The following MED13L variants were observed in gnomAD, a reference collection of about 807,000 sequenced individuals.
The protein encoded by MED13L is mediator complex subunit 13L.
MED13L carries 7 observed loss-of-function variants against 220.9 expected under a neutral mutation model. The observed-to-expected ratio is 0.03, with a 90% CI of 0.02 to 0.06. The LOEUF (loss-of-function observed/expected upper bound fraction) is 0.06, where lower values mean the gene tolerates loss of function less well. MED13L is among the 10% of genes least tolerant of loss of function. The pLI is 1.00. For missense variants in MED13L, 1,965 were observed against 2,760.5 expected (o/e 0.71, Z 6.46); for synonymous variants, 1,011 against 1,015.2 (o/e 1.00, Z 0.08).
chr12:116,040,936 T>C (rs1042610624), intron 4 of MED13L, among the ~76,000 whole-genome samples: 2 of 152,122 alleles, frequency 1.3e-5, no homozygotes, highest in Admixed American at 6.5e-5. Flanking sequence ...ACGGGAGGGA[T>C]AGTAATGAGA....
chr12:115,967,839 G>A (rs925552511), intron 28 of MED13L, among the ~76,000 whole-genome samples: 7 of 151,978 alleles, frequency 4.6e-5, no homozygotes, highest in East Asian at 1.9e-4. Flanking sequence ...TATCACAACC[G>A]TTTCCCATGA....
At chr12:116,038,122 T>C (rs914453940) in intron 4 of MED13L, among the ~76,000 whole-genome samples, 1 of 151,936 alleles carries the variant, frequency 6.6e-6, no homozygotes, top group Non-Finnish European at 1.5e-5. Context: ...TTAGGTAAAC[T>C]GTAACCACCA....
At chr12:116,108,404 C>CTT (rs1873786985) in intron 3 of MED13L, among the ~76,000 whole-genome samples, 1 of 40,846 alleles carries the variant, frequency 2.4e-5, no homozygotes, top group Admixed American at 3.1e-4. Context: ...GGGGGGGGCG[C>CTT]GTGGGGGGTG....
At chr12:116,252,710 A>G (rs981624280) in intron 1 of MED13L, among the ~76,000 whole-genome samples, 1 of 152,124 alleles carries the variant, frequency 6.6e-6, no homozygotes, top group Non-Finnish European at 1.5e-5. Flanking sequence ...AGAAAAAAAG[A>G]AAACAAAAAG....
At chr12:116,006,766 T>G (rs749023250) in intron 11 of MED13L, 1 of 336,686 alleles carries the variant, frequency 3.0e-6, no homozygotes, top group Non-Finnish European at 5.6e-6. Context: ...TCTAGGGAGA[T>G]CTGTATAAAA....
chr12:116,133,490 G>A lies in MED13L; in HGVS notation c.311-21978C>T, dbSNP rs562622679. Among the ~76,000 whole-genome samples, 5 of 152,144 alleles carry A rather than the reference G, an allele frequency of 3.3e-5. No homozygotes were observed. In the East Asian group the frequency reaches 5.8e-4, roughly 18 times the overall value. ...GTTCTGCTCAGAAGCTGGTCTTAAC[G>A]GGCTCTAGGACCATGGTAACTCATG... On this transcript the variant is annotated intron_variant, in intron 2 of 30. Coordinates refer to ENST00000281928, the MANE Select transcript of MED13L (RefSeq NM_015335.5).
At chr12:116,277,002 G>A (rs1054545089) in intron 1 of MED13L, 58 bp downstream of exon 1, 3 of 1,503,500 alleles carry the variant, frequency 2.0e-6, no homozygotes, top group Middle Eastern at 2.2e-4. Flanking sequence ...CGGCGGCGGA[G>A]GTCGGGGACC....
chr12:116,262,379 G>A (rs949545936), intron 1 of MED13L, among the ~76,000 whole-genome samples: 3 of 152,074 alleles, frequency 2.0e-5, no homozygotes, highest in Non-Finnish European at 4.4e-5. Flanking sequence ...AGATTACAAG[G>A]AATCTAAATC....
At chr12:116,232,711 C>A (rs967304971) in intron 2 of MED13L, among the ~76,000 whole-genome samples, 5 of 152,176 alleles carry the variant, frequency 3.3e-5, no homozygotes, top group African/African-American at 1.2e-4. Context: ...GCTCTCTGTA[C>A]TATTTTGGGT....
intron 8 of MED13L, among the ~76,000 whole-genome samples, chr12:116,014,264 T>G (rs1422115201): frequency 6.6e-6 from 1 of 152,250 alleles, no homozygotes; most frequent in African/African-American, 2.4e-5. Context: ...AACATTTCAT[T>G]GGCTTCTAAA....
At chr12:116,125,856 T>C (rs963919903) in intron 2 of MED13L, among the ~76,000 whole-genome samples, 1 of 152,202 alleles carries the variant, frequency 6.6e-6, no homozygotes, top group Non-Finnish European at 1.5e-5. Flanking sequence ...AATCAGAACA[T>C]TTTACTTTCA....
chr12:116,023,032 A>C (rs1592957262), intron 4 of MED13L, among the ~76,000 whole-genome samples: 1 of 152,316 alleles, frequency 6.6e-6, no homozygotes, highest in East Asian at 1.9e-4. Flanking sequence ...ATAACAGCTC[A>C]CACCTGTAAC....
chr12:116,184,089 T>C (rs1429983497), intron 2 of MED13L, among the ~76,000 whole-genome samples: 1 of 152,152 alleles, frequency 6.6e-6, no homozygotes, highest in Non-Finnish European at 1.5e-5. Context: ...GTGAATCCAA[T>C]GAACTGATTT....
intron 23 of MED13L, 125 bp downstream of exon 23, chr12:115,980,625 A>G (rs1877260286): frequency 1.9e-6 from 2 of 1,028,568 alleles, no homozygotes; most frequent in African/African-American, 3.1e-5. Flanking sequence ...CATCCAGCCT[A>G]GCAACTCTTA....
intron 23 of MED13L, among the ~76,000 whole-genome samples, chr12:115,979,025 T>C (rs953857915): frequency 7.2e-5 from 11 of 152,160 alleles, no homozygotes; most frequent in South Asian, 2.1e-4. Flanking sequence ...TGGCACACCG[T>C]AGATGCTCAA....
At chr12:116,002,326 T>C (rs1878796067) in intron 14 of MED13L, among the ~76,000 whole-genome samples, 1 of 152,214 alleles carries the variant, frequency 6.6e-6, no homozygotes, top group Admixed American at 6.5e-5. Flanking sequence ...TATGACATGG[T>C]GGTTTTTCCC....
chr12:116,038,254 G>A (rs926160874), intron 4 of MED13L, among the ~76,000 whole-genome samples: 3 of 151,814 alleles, frequency 2.0e-5, no homozygotes, highest in Non-Finnish European at 2.9e-5. Flanking sequence ...TATAAGACAT[G>A]GGGGATGATG....
At chr12:116,245,098 T>C (rs981890314) in intron 1 of MED13L, among the ~76,000 whole-genome samples, 16 of 151,812 alleles carry the variant, frequency 1.1e-4, no homozygotes, top group African/African-American at 3.6e-4. Flanking sequence ...AAACAGAGGG[T>C]ACCTGGACTG....
At chr12:116,026,546 CAGG>C (rs1880404782) in intron 4 of MED13L, among the ~76,000 whole-genome samples, 1 of 152,148 alleles carries the variant, frequency 6.6e-6, no homozygotes, top group Non-Finnish European at 1.5e-5. Flanking sequence ...GGCTCTGATT[CAGG>C]AGGTTTAGGG....
Sources: gnomAD v4.1 joint callset for allele counts (sites outside exome capture counted in the v4.1 genomes callset) on GRCh38, gnomAD v4.1.1 for gene constraint, MANE v1.5 for transcripts, NCBI Gene and HGNC (gene_info 2026-07-23, HGNC 2026-07-21) for gene names.